Variants in RAB5B observed in about 807,000 individuals in gnomAD.
RAB5B encodes ras-related protein Rab-5B.
RAB5B carries 11 observed loss-of-function variants against 28.6 expected under a neutral mutation model. The ratio of observed to expected loss-of-function variants is 0.38; its 90% CI spans 0.24 to 0.64. RAB5B has a LOEUF of 0.64. Among genes scored for constraint, RAB5B ranks in the 30% least tolerant of loss-of-function variants. RAB5B has a pLI of 0.53. For synonymous variants in RAB5B, 93 were observed against 97.9 expected (o/e 0.95, Z 0.29); for missense variants, 169 against 265.6 (o/e 0.64, Z 2.53).
rs1292935177 is a variant in RAB5B at position 55,994,560 on chromosome 12, G to T, written c.*2348G>T. ...TTTTCTTCTGGTCAGTTTTTTTAAG[G>T]GGGGGTGTTGTGGTTTTTTGTTTTT... On this transcript the variant is annotated 3_prime_UTR_variant, in exon 6 of 6. Transcript: ENST00000360299. 1 of 152,320 alleles carries T rather than the reference G, an allele frequency of 6.6e-6. No homozygotes were observed. Among genetic ancestry groups the T allele is most frequent in the South Asian group, 2.1e-4 (1 of 4,816 alleles). 9.4% of individuals were successfully genotyped at this position (152,320 alleles called of 1,614,324 possible). A position where few individuals can be genotyped will look rare whatever the true frequency, so the allele number is the denominator to read the frequency against.
At position 55,990,725 on chromosome 12, in the gene RAB5B, G is replaced by A. The variant is rs781438127; in HGVS notation, c.359G>A (p.Arg120Gln). The change falls in exon 4 of 6, where the codon CGA (arginine) becomes CAA (glutamine). Residue 120 changes from arginine (R) to glutamine (Q), a missense_variant. Arg to Gln is a conservative substitution (Grantham distance 43, BLOSUM62 1). Transcript: ENST00000360299. Reference protein sequence around the residue: ...RAKTWVKELQRQASPSIVIAL... With the variant: ...RAKTWVKELQQQASPSIVIAL... ...AAGACATGGGTGAAGGAACTACAGCGACAGGCCAGTCCTAGCATCGTTATT... is the reference window on the plus strand; with the variant it reads ...AAGACATGGGTGAAGGAACTACAGCAACAGGCCAGTCCTAGCATCGTTATT... The A allele has an allele frequency of 1.2e-5, 20 of 1,613,898 alleles. No individual in the cohort carries two copies. Among genetic ancestry groups the A allele is most frequent in the African/African-American group, 8.0e-5 (6 of 74,906 alleles).
intron 1 of RAB5B, among the ~76,000 whole-genome samples, chr12:55,978,908 G>C (rs978490607): frequency 1.3e-5 from 2 of 151,926 alleles, no homozygotes; most frequent in Admixed American, 6.6e-5. Context: ...GGGTAACTGG[G>C]ATTACAAGCC....
chr12:55,983,654 C>CG (rs1889869998), intron 1 of RAB5B, among the ~76,000 whole-genome samples: 1 of 121,692 alleles, frequency 8.2e-6, no homozygotes, highest in Admixed American at 8.5e-5. Flanking sequence ...GTTATGTCTC[C>CG]TTTTTTTTTT....
Position 55,996,003 on chromosome 12 carries a change from A to ATATTTTTTTTTTTTTTTTTTTT in RAB5B, c.*3792_*3793insATTTTTTTTTTTTTTTTTTTTT. The ATATTTTTTTTTTTTTTTTTTTT allele has an allele frequency of 1.1e-4, 11 of 97,390 alleles. No homozygotes were observed. The highest frequency in any genetic ancestry group is 5.2e-4 in the African/African-American group (11 of 21,132). 6.0% of individuals were successfully genotyped at this position (97,390 alleles called of 1,614,324 possible). A position where few individuals can be genotyped will look rare whatever the true frequency, so the allele number is the denominator to read the frequency against. On this transcript the variant is annotated 3_prime_UTR_variant, in exon 6 of 6. Coordinates refer to ENST00000360299, the MANE Select transcript of RAB5B (RefSeq NM_002868.4). Reference sequence around the variant, plus strand: ...TATATACATATATATATATATATATATTTTTTTTTTAACAACTGGTAGGAT... The same window carrying ATATTTTTTTTTTTTTTTTTTTT: ...TATATACATATATATATATATATATATATTTTTTTTTTTTTTTTTTTTTTTTTTTTTTAACAACTGGTAGGAT...
intron 2 of RAB5B, among the ~76,000 whole-genome samples, chr12:55,988,020 A>C (rs1050815038): frequency 1.1e-4 from 16 of 151,592 alleles, no homozygotes; most frequent in Non-Finnish European, 2.9e-5. Context: ...GTGGTGGCAC[A>C]TGCCTATAAT....
chr12:55,981,532 A>T (rs77553376), intron 1 of RAB5B, among the ~76,000 whole-genome samples: 1 of 152,118 alleles, frequency 6.6e-6, no homozygotes, highest in Non-Finnish European at 1.5e-5. Flanking sequence ...CTCTGTTGAT[A>T]GGTGATAGAC....
chr12:55,987,958 C>T (rs1890001168), intron 2 of RAB5B, among the ~76,000 whole-genome samples: 1 of 151,856 alleles, frequency 6.6e-6, no homozygotes. Flanking sequence ...ACCAGCCTGG[C>T]CAACAAGGTG....
chr12:55,986,848 A>G (rs1889964384), intron 1 of RAB5B, 21 bp from the exon 2 acceptor site: 1 of 808,220 alleles, frequency 1.2e-6, no homozygotes. Context: ...GTTTAATTTT[A>G]TTCACTTTTT....
rs1297484086 is a variant in RAB5B, at chr12:55,995,498, G to A, written c.*3286G>A. 1 of 152,194 alleles carries A rather than the reference G, an allele frequency of 6.6e-6. No homozygotes were observed. The highest frequency in any genetic ancestry group is 2.4e-5 in the African/African-American group (1 of 41,430). 9.4% of individuals were successfully genotyped at this position (152,194 alleles called of 1,614,324 possible). On this transcript the variant is annotated 3_prime_UTR_variant, in exon 6 of 6. Coordinates refer to ENST00000360299, the MANE Select transcript of RAB5B (RefSeq NM_002868.4). ...TTTTCTTGTAGCTTCCACCTCAACG[G>A]GAAAATTTCCTCTGGATCTGCTCTT...
At chr12:55,986,772 T>C in intron 1 of RAB5B, 97 bp from the exon 2 acceptor site, 6 of 611,090 alleles carry the variant, frequency 9.8e-6, no homozygotes, top group Non-Finnish European at 1.5e-5. Flanking sequence ...TAAGTCCTCA[T>C]AGAAGCAAGG....
chr12:55,980,059 A>G (rs1889757255), intron 1 of RAB5B, among the ~76,000 whole-genome samples: 1 of 152,182 alleles, frequency 6.6e-6, no homozygotes, highest in South Asian at 2.1e-4. Flanking sequence ...GTGCCGAGCT[A>G]GCCCTTTGCA....
chr12:55,981,806 C>CTT (rs760479306), intron 1 of RAB5B, among the ~76,000 whole-genome samples: 28 of 141,276 alleles, frequency 2.0e-4, no homozygotes, highest in African/African-American at 5.7e-4. Flanking sequence ...AGCCGTACTT[C>CTT]TTTTTTTTTT....
intron 1 of RAB5B, among the ~76,000 whole-genome samples, chr12:55,975,517 G>A (rs1169138415): frequency 6.6e-6 from 1 of 151,920 alleles, no homozygotes; most frequent in Non-Finnish European, 1.5e-5. Flanking sequence ...GGGAGGCTGA[G>A]ACAGGAGGAT....
intron 1 of RAB5B, among the ~76,000 whole-genome samples, chr12:55,984,104 C>T (rs1418033870): frequency 6.6e-6 from 1 of 151,820 alleles, no homozygotes. Flanking sequence ...TCACTGCAAC[C>T]TCCGCCTCCC....
chr12:55,987,770 G>A (rs1232531999), intron 2 of RAB5B, among the ~76,000 whole-genome samples: 3 of 151,452 alleles, frequency 2.0e-5, no homozygotes, highest in Non-Finnish European at 4.4e-5. Context: ...GGCAGAGGTT[G>A]TAGTGAGCCG....
chr12:55,978,728 T>C (rs181384528), intron 1 of RAB5B, among the ~76,000 whole-genome samples: 1 of 152,206 alleles, frequency 6.6e-6, no homozygotes, highest in East Asian at 1.9e-4. Flanking sequence ...ACAGACACAA[T>C]TTATATACTG....
At chr12:55,981,279 G>T (rs1301404061) in intron 1 of RAB5B, among the ~76,000 whole-genome samples, 1 of 152,072 alleles carries the variant, frequency 6.6e-6, no homozygotes, top group Non-Finnish European at 1.5e-5. Context: ...GGCCAGGCTG[G>T]TCTCAAACTC....
chr12:55,992,363 T>G lies in RAB5B; in HGVS notation c.*151T>G. On this transcript the variant is annotated 3_prime_UTR_variant, in exon 6 of 6. Transcript: ENST00000360299. Reference sequence around the variant, plus strand: ...TCCTGACAGCTCCGTCATGGCACTTTTTAACGCTTCAGCAACAAACACCAG... The same window carrying G: ...TCCTGACAGCTCCGTCATGGCACTTGTTAACGCTTCAGCAACAAACACCAG... The G allele has an allele frequency of 1.4e-6, 1 of 722,806 alleles. No homozygotes were observed. Among genetic ancestry groups the G allele is most frequent in the South Asian group, 1.6e-5 (1 of 64,292 alleles). The allele number at this position is 722,806 out of a possible 1,614,324, so 44.8% of individuals were successfully genotyped here.
At chr12:55,980,314 C>T in intron 1 of RAB5B, 2 of 818,694 alleles carry the variant, frequency 2.4e-6, no homozygotes, top group South Asian at 3.0e-5. Flanking sequence ...TCTTTACCAT[C>T]TACCTATGTG....
Sources: gnomAD v4.1 joint callset for allele counts (sites outside exome capture counted in the v4.1 genomes callset) on GRCh38, gnomAD v4.1.1 for gene constraint, MANE v1.5 for transcripts, NCBI Gene and HGNC (gene_info 2026-07-23, HGNC 2026-07-21) for gene names.